The following PRMT7 variants were observed in gnomAD, a reference collection of about 807,000 sequenced individuals.
The protein encoded by PRMT7 is protein arginine methyltransferase 7, also known as protein arginine N-methyltransferase 7.
A neutral mutation model predicts 85.4 loss-of-function variants in PRMT7; 75 were observed. The observed-to-expected ratio is 0.88, with a 90% CI of 0.73 to 1.06. The LOEUF (loss-of-function observed/expected upper bound fraction) is 1.06, where lower values mean the gene tolerates loss of function less well. Among genes scored for constraint, PRMT7 ranks in the 50% least tolerant of loss-of-function variants. The pLI is 0.00. For missense variants in PRMT7, 868 were observed against 915.2 expected (o/e 0.95, Z 0.67); for synonymous variants, 397 against 359.5 (o/e 1.10, Z -1.18).
At position 68,339,750 on chromosome 16, in the gene PRMT7, G is replaced by A; in HGVS notation, c.747-38G>A. The A allele has an allele frequency of 3.7e-6, 6 of 1,601,134 alleles. No homozygotes were observed. In the South Asian group the frequency reaches 4.4e-5, roughly 12 times the overall value. ...AAGCTTAAAAAATGGAGTGTGTGAG[G>A]TTAAACTCTGCTTACATTCTTGAAT... On this transcript the variant is annotated intron_variant, in intron 8 of 18. Coordinates refer to ENST00000441236, the MANE Select transcript of PRMT7 (RefSeq NM_019023.5).
rs1056037756 is a variant in PRMT7, at chr16:68,356,748, C to T, written c.1859C>T (p.Thr620Ile). 1.5e-5 allele frequency: 24 copies of T among 1,611,278 alleles called. No individual in the cohort carries two copies. Among genetic ancestry groups the T allele is most frequent in the East Asian group, 2.2e-5 (1 of 44,872 alleles). The change falls in exon 18 of 19, where the codon ACC becomes ATC. Residue 620 changes from threonine (T) to isoleucine (I), a missense_variant. Physicochemically the swap from Thr to Ile is moderately conservative, Grantham distance 89. Transcript: ENST00000441236. ...GTGCTATGGATGGAGTACCACCTGA[C>T]CCCGGAGTGCACGCTCAGCACTGGC... The part of the protein sequence containing the change: ...AAVLWMEYHL[T>I]PECTLSTGLL...
chr16:68,316,179 T>C, intron 3 of PRMT7, 105 bp downstream of exon 3: 2 of 974,902 alleles, frequency 2.1e-6, no homozygotes, highest in Non-Finnish European at 3.2e-6. Context: ...CACCCAGTGC[T>C]TATGATGAGG....
Position 68,357,328 on chromosome 16 carries a change from C to A in PRMT7, c.*104C>A. On this transcript the variant is annotated 3_prime_UTR_variant, in exon 19 of 19. Transcript: ENST00000441236. ...CCTCCTCTCCTCTCTGGGAGCTGCT[C>A]GGCCTCAGGGATGGGAAAGACTGCG... The A allele has an allele frequency of 7.8e-7, 1 of 1,275,290 alleles. No homozygotes were observed. The allele number at this position is 1,275,290 out of a possible 1,614,324, so 79.0% of individuals were successfully genotyped here.
Position 68,339,427 on chromosome 16 carries a change from A to G in PRMT7, c.610A>G (p.Ser204Gly). The G allele has an allele frequency of 6.2e-7, 1 of 1,614,234 alleles. No homozygotes were observed. Among genetic ancestry groups the G allele is most frequent in the African/African-American group, 1.3e-5 (1 of 75,062 alleles). ...GCTATTTCCCATCCACGTGCAGACC[A>G]GCCTCGGAGAGCAGGTCATCGTCCC... ...NKLFPIHVQT[S>G]LGEQVIVPPV... Residue 204 changes from serine (S) to glycine (G), a missense_variant, in exon 8 of 19, where the codon AGC becomes GGC. By Grantham distance (56) the Ser-to-Gly change is moderately conservative. Transcript: ENST00000441236.
At position 68,348,334 on chromosome 16, in the gene PRMT7, T is replaced by C; in HGVS notation, c.1324-8T>C. The C allele has an allele frequency of 6.3e-7, 1 of 1,585,056 alleles. No individual in the cohort carries two copies. Among genetic ancestry groups the C allele is most frequent in the Non-Finnish European group, 8.7e-7 (1 of 1,154,886 alleles). Reference sequence around the variant, plus strand: ...TGAATACAGTAATTTTACGGTTTTCTTTCTAAGATCTTCAAGGCTAACCAC... The same window carrying C: ...TGAATACAGTAATTTTACGGTTTTCCTTCTAAGATCTTCAAGGCTAACCAC... On this transcript the variant is annotated splice_polypyrimidine_tract_variant and splice_region_variant and intron_variant, in intron 13 of 18. Coordinates refer to ENST00000441236, the MANE Select transcript of PRMT7 (RefSeq NM_019023.5).
rs139789249 is a variant in PRMT7 at position 68,357,460 on chromosome 16, C to A, written c.*236C>A. 8.0e-6 allele frequency: 4 copies of A among 500,896 alleles called. No individual in the cohort carries two copies. The highest frequency in any genetic ancestry group is 1.4e-5 in the Non-Finnish European group (4 of 286,616). 31.0% of individuals were successfully genotyped at this position (500,896 alleles called of 1,614,324 possible). On this transcript the variant is annotated 3_prime_UTR_variant, in exon 19 of 19. Transcript: ENST00000441236. ...TGGAGCCCTGGAGGGGCTGGGAAGA[C>A]CCCCCTGCTTGTGCTTCTGAGGTGC...
intron 8 of PRMT7, 109 bp from the exon 9 acceptor site, chr16:68,339,679 A>G: frequency 1.9e-6 from 3 of 1,581,844 alleles, no homozygotes; most frequent in South Asian, 1.1e-5. Flanking sequence ...CCTCGAAGGC[A>G]AGAGTCCTTT....
chr16:68,357,429 T>C lies in PRMT7; in HGVS notation c.*205T>C, dbSNP rs1440578597. ...GTGGCAGGAAGCATGAGAGGGTGAC[T>C]GAATTTGGAGCCCTGGAGGGGCTGG... On this transcript the variant is annotated 3_prime_UTR_variant, in exon 19 of 19. Transcript: ENST00000441236. The C allele has an allele frequency of 3.5e-6, 2 of 578,458 alleles. No homozygotes were observed. The highest frequency in any genetic ancestry group is 5.8e-6 in the Non-Finnish European group (2 of 343,344). 35.8% of individuals were successfully genotyped at this position (578,458 alleles called of 1,614,324 possible).
chr16:68,339,153 C>CTT (rs1250579871), intron 7 of PRMT7, among the ~76,000 whole-genome samples, 169 bp from the exon 8 acceptor site: 1 of 151,842 alleles, frequency 6.6e-6, no homozygotes, highest in Non-Finnish European at 1.5e-5. Flanking sequence ...CTTTTTTTCC[C>CTT]TTTTCCAAGG....
downstream of PRMT7, chr16:68,360,863 T>C (rs1399463358): frequency 1.6e-5 from 4 of 248,266 alleles, no homozygotes; most frequent in Admixed American, 5.1e-5. Context: ...TAAAGAACCC[T>C]GGACGAAGCT....
chr16:68,341,843 C>G (rs1188938778), intron 9 of PRMT7, among the ~76,000 whole-genome samples: 1 of 152,228 alleles, frequency 6.6e-6, no homozygotes, highest in African/African-American at 2.4e-5. Context: ...GTGTTATCTG[C>G]AGGAGGAATC....
chr16:68,339,406 T>C lies in PRMT7; in HGVS notation c.589T>C (p.Phe197Leu). 2 of 1,614,184 alleles carry C rather than the reference T, an allele frequency of 1.2e-6. No individual in the cohort carries two copies. Among genetic ancestry groups the C allele is most frequent in the Non-Finnish European group, 1.7e-6 (2 of 1,180,032 alleles). The change falls in exon 8 of 19, where the codon TTT becomes CTT. Residue 197 changes from phenylalanine to leucine, a missense_variant. Coordinates refer to ENST00000441236, the MANE Select transcript of PRMT7 (RefSeq NM_019023.5). ...GAGGATGTGGTCGTGGAACAAGCTA[T>C]TTCCCATCCACGTGCAGACCAGCCT... ...SGRMWSWNKLFPIHVQTSLGE... is the reference protein window; with the variant it reads ...SGRMWSWNKLLPIHVQTSLGE...
Position 68,321,133 on chromosome 16 carries a change from G to A in PRMT7, c.96-293G>A, listed in dbSNP as rs542450205. ...TAAATACAAAAATTAGCCAGGCGTG[G>A]TGGTGAGCACCTGTAATCCCAGCTA... On this transcript the variant is annotated intron_variant, in intron 3 of 18. Transcript: ENST00000441236. Among the ~76,000 whole-genome samples the A allele has an allele frequency of 2.0e-5, 3 of 152,160 alleles. No homozygotes were observed. In the South Asian group the frequency reaches 6.2e-4, roughly 32 times the overall value.
chr16:68,340,040 T>C, intron 9 of PRMT7, 72 bp downstream of exon 9: 1 of 1,441,716 alleles, frequency 6.9e-7, no homozygotes, highest in Admixed American at 2.6e-5. Context: ...AAGTAACAGT[T>C]GAGCCTTGGA....
chr16:68,346,419 G>T, intron 11 of PRMT7, 139 bp downstream of exon 11: 2 of 1,222,114 alleles, frequency 1.6e-6, no homozygotes, highest in Non-Finnish European at 2.3e-6. Flanking sequence ...AGCGCCTCCT[G>T]GGTGGGCACT....
At chr16:68,319,711 A>AGAGTGTGTGTGTGTGTGTGT (rs1555543581) in intron 3 of PRMT7, among the ~76,000 whole-genome samples, 13 of 141,446 alleles carry the variant, frequency 9.2e-5, no homozygotes, top group South Asian at 4.6e-4. Context: ...TAAGAGTGAG[A>AGAGTGTGTGTGTGTGTGTGT]GTGTGTGTGT....
chr16:68,346,375 T>G, intron 11 of PRMT7, 95 bp downstream of exon 11: 2 of 1,560,994 alleles, frequency 1.3e-6, no homozygotes, highest in South Asian at 2.3e-5. Context: ...GCTGTTTCTT[T>G]CCTGTGTCCT....
chr16:68,348,365 A>G lies in PRMT7; in HGVS notation c.1347A>G (p.Glu449=). The G allele has an allele frequency of 6.2e-7, 1 of 1,608,812 alleles. No individual in the cohort carries two copies. Among genetic ancestry groups the G allele is most frequent in the Non-Finnish European group, 8.5e-7 (1 of 1,175,164 alleles). Residue 449 remains glutamate (E), a synonymous_variant, in exon 14 of 19, where the codon GAA becomes GAG. Transcript: ENST00000441236. ...AGATCTTCAAGGCTAACCACTTGGA[A>G]GATAAAATTAACATCATAGAGAAAC... ...LRKIFKANHL[E]DKINIIEKRP... is the part of the protein sequence containing the mutation.
At chr16:68,345,433 C>T (rs1287879902) in intron 9 of PRMT7, among the ~76,000 whole-genome samples, 2 of 152,216 alleles carry the variant, frequency 1.3e-5, no homozygotes, top group East Asian at 3.8e-4. Context: ...TCCCCTGAGC[C>T]ACTCTGGCAG....
Sources: allele counts gnomAD v4.1 joint callset (sites outside exome capture counted in the v4.1 genomes callset), GRCh38; gene constraint gnomAD v4.1.1; transcripts MANE v1.5; gene names NCBI Gene and HGNC (gene_info 2026-07-23, HGNC 2026-07-21).